TEX9: variants seen among roughly 807,000 people sequenced by gnomAD.
The protein encoded by TEX9 is testis expressed 9.
Under a neutral mutation model 59.6 loss-of-function variants are expected in TEX9, and 74 were observed. The ratio of observed to expected loss-of-function variants is 1.24; its 90% confidence interval spans 1.03 to 1.51. TEX9 has a LOEUF of 1.51. Among genes scored for constraint, TEX9 ranks in the 40% most tolerant of loss-of-function variants. The pLI is 0.00. For missense variants in TEX9, 522 were observed against 447.8 expected, an observed-to-expected ratio of 1.17 and a Z score of -1.49; for synonymous variants, 186 against 152.2, an observed-to-expected ratio of 1.22 and a Z score of -1.64.
intron 1 of TEX9, among the ~76,000 whole-genome samples, chr15:56,278,774 A>T (rs1280307139): frequency 6.6e-6 from 1 of 150,434 alleles, no homozygotes; most frequent in Admixed American, 6.7e-5. Flanking sequence ...TCAGTCTGTC[A>T]TGACAACCTC....
intron 9 of TEX9, among the ~76,000 whole-genome samples, chr15:56,407,205 C>T (rs2049122480): frequency 6.6e-6 from 1 of 152,026 alleles, no homozygotes; most frequent in African/African-American, 2.4e-5. Flanking sequence ...ACAGTTCTTT[C>T]CTCATTTGCT....
At chr15:56,326,479 A>G (rs1414179663) in intron 1 of TEX9, among the ~76,000 whole-genome samples, 1 of 152,350 alleles carries the variant, frequency 6.6e-6, no homozygotes, top group African/African-American at 2.4e-5. Flanking sequence ...CACGTTTTAC[A>G]TAAATAATCT....
chr15:56,445,108 A>G (rs568714902), intron 12 of TEX9, among the ~76,000 whole-genome samples: 103 of 152,038 alleles, frequency 6.8e-4, no homozygotes, highest in Non-Finnish European at 1.2e-3. Flanking sequence ...CAGGTCTGCT[A>G]TTAAATGGCT....
chr15:56,371,496 CT>C (rs1392534170), intron 2 of TEX9, among the ~76,000 whole-genome samples: 1 of 151,494 alleles, frequency 6.6e-6, no homozygotes, highest in African/African-American at 2.4e-5. Context: ...ATTTTAAAAT[CT>C]TTTTTTAATT....
chr15:56,243,994 C>A (rs2043771000), upstream of TEX9: 1 of 150,130 alleles, frequency 6.7e-6, no homozygotes, highest in Non-Finnish European at 1.5e-5. Context: ...GCGCGGAGGG[C>A]GGCGCGGGCC....
rs114511129 is a variant in TEX9 at position 56,444,372 on chromosome 15, G to C, written c.*30-1299G>C. 1.7e-3 allele frequency: 2,297 copies of C among 1,319,592 alleles called. 33 individuals are homozygous for C. In the African/African-American group the frequency reaches 0.028, roughly 16 times the overall value. 81.7% of individuals were successfully genotyped at this position (1,319,592 alleles called of 1,614,324 possible). A position where few individuals can be genotyped will look rare whatever the true frequency, so the allele number is the denominator to read the frequency against. On this transcript the variant is annotated intron_variant, in intron 12 of 12. Coordinates refer to ENST00000352903, the Ensembl canonical transcript of TEX9. ...ATTAGGCACTGTTCTAGGTGCTTCAGTTCCTCACAACAAACCTGTGATATA... is the reference window on the plus strand; with the variant it reads ...ATTAGGCACTGTTCTAGGTGCTTCACTTCCTCACAACAAACCTGTGATATA...
downstream of TEX9, chr15:56,446,941 A>G (rs1199287113): frequency 1.9e-6 from 3 of 1,604,268 alleles, no homozygotes; most frequent in Middle Eastern, 1.6e-4. Context: ...TCTAAGCTCA[A>G]TGCTGTTTAA....
intron 10 of TEX9, among the ~76,000 whole-genome samples, chr15:56,417,795 C>T (rs1193111519): frequency 6.6e-6 from 1 of 151,758 alleles, no homozygotes; most frequent in Non-Finnish European, 1.5e-5. Context: ...TGAAGTCTCC[C>T]ACTATTATTG....
intron 4 of TEX9, 149 bp downstream of exon 4, chr15:56,384,180 A>T: frequency 1.9e-6 from 1 of 534,358 alleles, no homozygotes; most frequent in East Asian, 3.1e-5. Flanking sequence ...ACACAGTGCA[A>T]GCCCTTTATC....
At chr15:56,375,388 T>C (rs1312122807) in intron 3 of TEX9, among the ~76,000 whole-genome samples, 1 of 152,076 alleles carries the variant, frequency 6.6e-6, no homozygotes, top group Non-Finnish European at 1.5e-5. Context: ...TAAATTTGTT[T>C]GAGTTCATTG....
At chr15:56,436,076 G>C (rs1068681) in intron 12 of TEX9, among the ~76,000 whole-genome samples, 4,711 of 152,112 alleles carry the variant, frequency 0.031, 179 homozygotes, top group East Asian at 0.091. Flanking sequence ...GGATATCCAG[G>C]AATTGAACTC....
At chr15:56,339,308 A>G (rs537919701) in intron 1 of TEX9, among the ~76,000 whole-genome samples, 9 of 137,668 alleles carry the variant, frequency 6.5e-5, no homozygotes, top group Admixed American at 1.6e-4. Flanking sequence ...GCTTGAACCC[A>G]GGAGGTGGAG....
chr15:56,334,842 A>G (rs1180698094), intron 1 of TEX9, among the ~76,000 whole-genome samples: 1 of 152,196 alleles, frequency 6.6e-6, no homozygotes, highest in Non-Finnish European at 1.5e-5. Flanking sequence ...TTAAATGGGC[A>G]AAGGATCTGA....
intron 6 of TEX9, among the ~76,000 whole-genome samples, chr15:56,390,939 G>A (rs1207660885): frequency 6.6e-6 from 1 of 151,920 alleles, no homozygotes; most frequent in East Asian, 1.9e-4. Context: ...ATACCATCTG[G>A]CCTCATAAAG....
chr15:56,269,148 T>G (rs2044462037), intron 1 of TEX9, among the ~76,000 whole-genome samples: 1 of 152,206 alleles, frequency 6.6e-6, no homozygotes, highest in South Asian at 2.1e-4. Context: ...TAGTTTGTAT[T>G]CCTGTCGGAT....
intron 10 of TEX9, chr15:56,421,735 C>G (rs567560578): frequency 1.3e-5 from 2 of 151,526 alleles, no homozygotes; most frequent in Non-Finnish European, 2.9e-5. Flanking sequence ...TTTGTTCTTG[C>G]GATAGTTTGC....
chr15:56,264,464 A>G (rs1449683291), intron 1 of TEX9, among the ~76,000 whole-genome samples: 1 of 152,146 alleles, frequency 6.6e-6, no homozygotes, highest in African/African-American at 2.4e-5. Flanking sequence ...AGAATGTTCT[A>G]TGTATTGGAA....
chr15:56,248,043 T>C (rs1435521181), intron 1 of TEX9, among the ~76,000 whole-genome samples: 1 of 152,236 alleles, frequency 6.6e-6, no homozygotes, highest in East Asian at 1.9e-4. Flanking sequence ...GCTAAGCTGT[T>C]GTCTTTCAAA....
At chr15:56,281,390 C>T (rs1314837001) in intron 1 of TEX9, among the ~76,000 whole-genome samples, 1 of 152,244 alleles carries the variant, frequency 6.6e-6, no homozygotes. Flanking sequence ...ACTGCCAGAG[C>T]TCTGCCTCCT....
Sources: allele counts gnomAD v4.1 joint callset (sites outside exome capture counted in the v4.1 genomes callset), GRCh38; gene constraint gnomAD v4.1.1; transcripts MANE v1.5; gene names NCBI Gene and HGNC (gene_info 2026-07-23, HGNC 2026-07-21).